The following KRT31 variants were observed in gnomAD, a reference collection of about 807,000 sequenced individuals.
The protein encoded by KRT31 is keratin 31, also known as keratin, type I cuticular Ha1.
In KRT31, 27 loss-of-function variants were observed where a neutral mutation model predicts 40.8. That is an observed-to-expected ratio of 0.66 (90% CI 0.49 to 0.91). The LOEUF (loss-of-function observed/expected upper bound fraction) is 0.91, where lower values mean the gene tolerates loss of function less well. Among genes scored for constraint, KRT31 ranks in the 40% least tolerant of loss-of-function variants. The pLI is 0.00. For synonymous variants in KRT31, 231 were observed against 231.9 expected (o/e 1.00, Z 0.03); for missense variants, 510 against 544.1 (o/e 0.94, Z 0.62).
In KRT31 at chr17:41,397,269, G is replaced by A. The variant is rs1424045088; in HGVS notation, c.271C>T (p.Arg91Trp). Reference sequence around the variant, plus strand: ...AGCAAGGGCTCCTGCTGCTGAGACCGCTCCCGGATGAGGTTCTCCAGCTCC... The same window carrying A: ...AGCAAGGGCTCCTGCTGCTGAGACCACTCCCGGATGAGGTTCTCCAGCTCC... ...NAELENLIRE[R>W]SQQQEPLLCP... The change falls in exon 1 of 7, where the codon CGG becomes TGG. Residue 91 changes from arginine (R) to tryptophan (W), a missense_variant. Physicochemically the swap from Arg to Trp is moderately radical, Grantham distance 101 (BLOSUM62 -3). Transcript: ENST00000251645. The A allele has an allele frequency of 1.7e-5, 28 of 1,614,076 alleles. No homozygotes were observed. Among genetic ancestry groups the A allele is most frequent in the African/African-American group, 5.3e-5 (4 of 74,926 alleles).
chr17:41,396,530 T>C lies in KRT31; in HGVS notation c.478A>G (p.Asn160Asp), dbSNP rs775758236. ...TCATCCAGGATCCTGCGCAGACCGT[T>C]GATGTCCGACTCCACCAGCTGCCGC... is the stretch of plus-strand genomic sequence containing the variant. ...SLRQLVESDI[N>D]GLRRILDELT... Residue 160 changes from asparagine (N) to aspartate (D), a missense_variant, in exon 3 of 7, where the codon AAC (asparagine) becomes GAC (aspartate). Coordinates refer to ENST00000251645, the MANE Select transcript of KRT31 (RefSeq NM_002277.3). 1 of 1,614,080 alleles carries C rather than the reference T, an allele frequency of 6.2e-7. No individual in the cohort carries two copies. The highest frequency in any genetic ancestry group is 2.2e-5 in the East Asian group (1 of 44,892).
rs747746132 is a variant in KRT31 at position 41,395,459 on chromosome 17, C to T, written c.750+3G>A. 11 of 1,614,000 alleles carry T rather than the reference C, an allele frequency of 6.8e-6. No homozygotes were observed. Among genetic ancestry groups the T allele is most frequent in the Non-Finnish European group, 8.5e-6 (10 of 1,180,010 alleles). On this transcript the variant is annotated splice_donor_region_variant and intron_variant, in intron 4 of 6. Coordinates refer to ENST00000251645, the MANE Select transcript of KRT31 (RefSeq NM_002277.3). Reference sequence around the variant, plus strand: ...CTGAGGGGCCACGTGCTTAGATGCCCACCTGCGTGGTGAACCATTGCTCCA... The same window carrying T: ...CTGAGGGGCCACGTGCTTAGATGCCTACCTGCGTGGTGAACCATTGCTCCA...
At chr17:41,397,110 C>T (rs953817776) in intron 1 of KRT31, 82 bp downstream of exon 1, 4 of 1,583,814 alleles carry the variant, frequency 2.5e-6, no homozygotes, top group South Asian at 2.2e-5. Flanking sequence ...TATGACAGCA[C>T]AGAAGCAAGA....
At chr17:41,395,736 G>A (rs2144357457) in intron 3 of KRT31, 113 bp from the exon 4 acceptor site, 10 of 1,304,452 alleles carry the variant, frequency 7.7e-6, no homozygotes, top group Middle Eastern at 2.4e-4. Context: ...GAAACTTTGA[G>A]TGGAGCAGTT....
At chr17:41,396,661 T>C in intron 2 of KRT31, 85 bp from the exon 3 acceptor site, 4 of 1,467,320 alleles carry the variant, frequency 2.7e-6, no homozygotes, top group Non-Finnish European at 3.7e-6. Context: ...GTGCCTTATC[T>C]TTCCACTTTC....
Position 41,397,580 on chromosome 17 carries a change from A to G in KRT31, c.-41T>C. 6.4e-7 allele frequency: 1 copy of G among 1,556,002 alleles called. No individual in the cohort carries two copies. ...GGAGGGAGTGCCTGGCTGAAGACAG[A>G]GTCTAAATTCTCCAAGCCACAGAGC... On this transcript the variant is annotated 5_prime_UTR_variant, in exon 1 of 7. Transcript: ENST00000251645.
At position 41,393,989 on chromosome 17, in the gene KRT31, C is replaced by A; in HGVS notation, c.*27G>T. ...AGCTCTGGAGTCCTGGGCCCTGCAT[C>A]CTTGCTCCTCTGGCATTCCCTAGGT... On this transcript the variant is annotated 3_prime_UTR_variant, in exon 7 of 7. Transcript: ENST00000251645. The A allele has an allele frequency of 6.2e-7, 1 of 1,609,944 alleles. No homozygotes were observed. Among genetic ancestry groups the A allele is most frequent in the Admixed American group, 1.7e-5 (1 of 59,668 alleles).
intron 3 of KRT31, 48 bp from the exon 4 acceptor site, chr17:41,395,671 ACT>A: frequency 6.3e-7 from 1 of 1,579,576 alleles, no homozygotes; most frequent in East Asian, 2.2e-5. Flanking sequence ...CAAAGAATGA[ACT>A]CTAAGGAATG....
intron 6 of KRT31, 34 bp downstream of exon 6, chr17:41,394,814 T>C: frequency 6.2e-7 from 1 of 1,611,852 alleles, no homozygotes; most frequent in African/African-American, 1.3e-5. Flanking sequence ...CACACGTGCA[T>C]CATTTCATCA....
rs757927264 is a variant in KRT31, at chr17:41,397,503, G to A, written c.37C>T (p.Arg13Cys). The A allele has an allele frequency of 2.2e-5, 36 of 1,613,060 alleles. No individual in the cohort carries two copies. The highest frequency in any genetic ancestry group is 2.8e-5 in the Non-Finnish European group (33 of 1,179,686). Residue 13 changes from arginine to cysteine, a missense_variant, in exon 1 of 7, where the codon CGC (arginine) becomes TGC (cysteine). By Grantham distance (180) the Arg-to-Cys change is radical. Coordinates refer to ENST00000251645, the MANE Select transcript of KRT31 (RefSeq NM_002277.3). Reference sequence around the variant, plus strand: ...CAGGGCCGGGAGGAGCAGCTGGTGCGGCAGCTCAGGCTGGGCAGGCAGAAG... The same window carrying A: ...CAGGGCCGGGAGGAGCAGCTGGTGCAGCAGCTCAGGCTGGGCAGGCAGAAG... Reference protein sequence around the residue: ...YNFCLPSLSCRTSCSSRPCVP... With the variant: ...YNFCLPSLSCCTSCSSRPCVP...
In KRT31 at chr17:41,395,533, C is replaced by T. The variant is rs921938245; in HGVS notation, c.679G>A (p.Glu227Lys). 10 of 1,614,082 alleles carry T rather than the reference C, an allele frequency of 6.2e-6. No individual in the cohort carries two copies. The highest frequency in any genetic ancestry group is 5.0e-5 in the Admixed American group (3 of 60,006). Residue 227 changes from glutamate (E) to lysine (K), a missense_variant, in exon 4 of 7, where the codon GAG becomes AAG. Glu to Lys is a moderately conservative substitution (Grantham distance 56). Coordinates refer to ENST00000251645, the MANE Select transcript of KRT31 (RefSeq NM_002277.3). ...AGGGCCTCATACTGACTCCTGGTCT[C>T]GTTCAGCACCCGATTCAGGTCCACA... The part of the protein sequence containing the change: ...PTVDLNRVLN[E>K]TRSQYEALVE...
chr17:41,397,062 G>C (rs914883194), intron 1 of KRT31, 67 bp from the exon 2 acceptor site: 2 of 1,579,562 alleles, frequency 1.3e-6, no homozygotes, highest in African/African-American at 2.7e-5. Context: ...TTTTAAAAAT[G>C]ACTTAAGCCA....
At position 41,397,376 on chromosome 17, in the gene KRT31, C is replaced by T; in HGVS notation, c.164G>A (p.Ser55Asn). The T allele has an allele frequency of 6.2e-7, 1 of 1,613,218 alleles. No homozygotes were observed. Among genetic ancestry groups the T allele is most frequent in the Non-Finnish European group, 8.5e-7 (1 of 1,180,050 alleles). The change falls in exon 1 of 7, where the codon AGC (serine) becomes AAC (asparagine). Residue 55 changes from serine to asparagine, a missense_variant. Ser to Asn is a conservative substitution (Grantham distance 46). Transcript: ENST00000251645. ...CAGGAACTGCATAGTCTCCTTCTCG[C>T]TACCATTGAAGGAGCCCTCGCAGAA... The part of the protein sequence containing the change: ...NWFCEGSFNG[S>N]EKETMQFLND...
At position 41,395,363 on chromosome 17, in the gene KRT31, T is replaced by A. The variant is rs2018205736; in HGVS notation, c.758A>T (p.Glu253Val). The A allele has an allele frequency of 6.2e-7, 1 of 1,614,142 alleles. No homozygotes were observed. The highest frequency in any genetic ancestry group is 8.5e-7 in the Non-Finnish European group (1 of 1,180,042). ...GCTGGATACCACCTGCTTGTTCAGC[T>A]CCTCGGTCTGAAACACCCAAGGGGA... ...VEQWFTTQTE[E>V]LNKQVVSSSE... Residue 253 changes from glutamate to valine, a missense_variant, in exon 5 of 7, where the codon GAG (glutamate) becomes GTG (valine). Physicochemically the swap from Glu to Val is moderately radical, Grantham distance 121 (BLOSUM62 -2). Coordinates refer to ENST00000251645, the MANE Select transcript of KRT31 (RefSeq NM_002277.3).
At chr17:41,394,759 C>A in intron 6 of KRT31, 89 bp downstream of exon 6, 5 of 1,574,254 alleles carry the variant, frequency 3.2e-6, no homozygotes, top group Non-Finnish European at 4.3e-6. Flanking sequence ...GCATAATTTC[C>A]TTTCCAAGGT....
At position 41,396,935 on chromosome 17, in the gene KRT31, C is replaced by T. The variant is rs773384429; in HGVS notation, c.409G>A (p.Ala137Thr). 8.1e-6 allele frequency: 13 copies of T among 1,614,092 alleles called. No homozygotes were observed. Among genetic ancestry groups the T allele is most frequent in the Non-Finnish European group, 9.3e-6 (11 of 1,179,948 alleles). ...CACTTGGTTCTGAAATCATCCGCAGCCAGCTTGGCGTTGTCGATCTGCACC... is the reference window on the plus strand; with the variant it reads ...CACTTGGTTCTGAAATCATCCGCAGTCAGCTTGGCGTTGTCGATCTGCACC... ...LVVQIDNAKL[A>T]ADDFRTKYQT... is the part of the protein sequence containing the mutation. Residue 137 changes from alanine (A) to threonine (T), a missense_variant, in exon 2 of 7, where the codon GCT (alanine) becomes ACT (threonine). Ala to Thr is a moderately conservative substitution (Grantham distance 58). Coordinates refer to ENST00000251645, the MANE Select transcript of KRT31 (RefSeq NM_002277.3).
chr17:41,395,931 G>A (rs957945526), intron 3 of KRT31, among the ~76,000 whole-genome samples: 1 of 152,148 alleles, frequency 6.6e-6, no homozygotes, highest in East Asian at 1.9e-4. Context: ...AAAAAAATAG[G>A]CTGTGCAATT....
Position 41,396,545 on chromosome 17 carries a change from C to T in KRT31, c.463G>A (p.Val155Met), listed in dbSNP as rs2018229766. The T allele has an allele frequency of 6.2e-7, 1 of 1,614,020 alleles. No homozygotes were observed. The highest frequency in any genetic ancestry group is 1.3e-5 in the African/African-American group (1 of 74,928). ...CGCAGACCGTTGATGTCCGACTCCACCAGCTGCCGCAGGGACAGCTCGGTC... is the reference window on the plus strand; with the variant it reads ...CGCAGACCGTTGATGTCCGACTCCATCAGCTGCCGCAGGGACAGCTCGGTC... The part of the protein sequence containing the change: ...YQTELSLRQL[V>M]ESDINGLRRI... Residue 155 changes from valine to methionine, a missense_variant, in exon 3 of 7, where the codon GTG becomes ATG. Val to Met is a conservative substitution (Grantham distance 21). Coordinates refer to ENST00000251645, the MANE Select transcript of KRT31 (RefSeq NM_002277.3).
rs753049924 is a variant in KRT31, at chr17:41,395,606, G to T, written c.606C>A (p.Arg202=). 1.9e-6 allele frequency: 3 copies of T among 1,614,072 alleles called. No homozygotes were observed. Among genetic ancestry groups the T allele is most frequent in the Non-Finnish European group, 2.5e-6 (3 of 1,180,018 alleles). ...CATTGAGGCGGTCTCCAAGCTGGCAGCGCAGGGTATTGACCTCCTATGGAT... is the reference window on the plus strand; with the variant it reads ...CATTGAGGCGGTCTCCAAGCTGGCATCGCAGGGTATTGACCTCCTATGGAT... ...SNHEQEVNTL[R]CQLGDRLNVE... is the part of the protein sequence containing the mutation. The change falls in exon 4 of 7, where the codon CGC becomes CGA. Residue 202 remains arginine, a synonymous_variant. Transcript: ENST00000251645.
Sources: gnomAD v4.1 joint callset for allele counts (sites outside exome capture counted in the v4.1 genomes callset) on GRCh38, gnomAD v4.1.1 for gene constraint, MANE v1.5 for transcripts, NCBI Gene and HGNC (gene_info 2026-07-23, HGNC 2026-07-21) for gene names.